Variants in NFX1 observed in about 807,000 individuals in gnomAD.
NFX1 encodes nuclear transcription factor, X-box binding 1, also known as transcriptional repressor NF-X1.
NFX1 carries 69 observed loss-of-function variants against 137.2 expected under a neutral mutation model. The observed-to-expected ratio is 0.50, with a 90% CI of 0.41 to 0.61. NFX1 has a LOEUF of 0.61. NFX1 is among the 20% of genes least tolerant of loss of function. The pLI is 0.00. For synonymous variants in NFX1, 495 were observed against 474.1 expected (o/e 1.04, Z -0.57); for missense variants, 1,167 against 1,391.0 (o/e 0.84, Z 2.56).
chr9:33,324,769 CA>C (rs138214743), intron 9 of NFX1, among the ~76,000 whole-genome samples: 6 of 146,200 alleles, frequency 4.1e-5, no homozygotes, highest in Non-Finnish European at 4.5e-5. Flanking sequence ...CTACTATATA[CA>C]AAAAAAAAAT....
At chr9:33,336,314 C>T (rs1362530632) in intron 11 of NFX1, among the ~76,000 whole-genome samples, 3 of 152,152 alleles carry the variant, frequency 2.0e-5, no homozygotes, top group Non-Finnish European at 4.4e-5. Flanking sequence ...CTCCCAGGTT[C>T]GAGTGATTCA....
At position 33,311,192 on chromosome 9, in the gene NFX1, A is replaced by G; in HGVS notation, c.1448+15A>G. The G allele has an allele frequency of 1.2e-6, 2 of 1,612,814 alleles. No homozygotes were observed. The highest frequency in any genetic ancestry group is 1.7e-6 in the Non-Finnish European group (2 of 1,178,788). ...GGACGAACCAGGTAAAGTTAAAATT[A>G]CACCCTAAAGAAGACCTCAGTTTTC... On this transcript the variant is annotated intron_variant, in intron 6 of 23. Coordinates refer to ENST00000379540, the MANE Select transcript of NFX1 (RefSeq NM_002504.6).
At chr9:33,363,860 AGTT>A (rs1176344392) in intron 19 of NFX1, 147 bp from the exon 20 acceptor site, 3 of 468,332 alleles carry the variant, frequency 6.4e-6, no homozygotes, top group African/African-American at 4.0e-5. Context: ...TCATGTCCCA[AGTT>A]GTTGTTATTC....
intron 12 of NFX1, 49 bp from the exon 13 acceptor site, chr9:33,342,697 A>C: frequency 8.0e-7 from 1 of 1,255,902 alleles, no homozygotes; most frequent in Non-Finnish European, 1.1e-6. Flanking sequence ...TTTATGGAAA[A>C]TATAAAATGA....
chr9:33,291,088 A>G (rs897729309), intron 1 of NFX1, among the ~76,000 whole-genome samples: 1 of 152,140 alleles, frequency 6.6e-6, no homozygotes, highest in African/African-American at 2.4e-5. Context: ...TTGGGAGTAG[A>G]TAAGTTAATT....
chr9:33,333,978 C>G (rs906183124), intron 11 of NFX1, among the ~76,000 whole-genome samples: 3 of 152,122 alleles, frequency 2.0e-5, no homozygotes, highest in Admixed American at 1.3e-4. Context: ...AACCCCATCT[C>G]TACTAAAAAT....
Position 33,303,261 on chromosome 9 carries a change from T to C in NFX1, c.1263T>C (p.Cys421=). The C allele has an allele frequency of 6.2e-7, 1 of 1,613,940 alleles. No homozygotes were observed. Among genetic ancestry groups the C allele is most frequent in the Non-Finnish European group, 8.5e-7 (1 of 1,179,822 alleles). The change falls in exon 4 of 24, where the codon TGT becomes TGC. Residue 421 remains cysteine, a synonymous_variant. Coordinates refer to ENST00000379540, the MANE Select transcript of NFX1 (RefSeq NM_002504.6). Reference sequence around the variant, plus strand: ...CACATGTTCCTAATACCTACACTTGTTTCTGTGGTAAGTTTGTTTATATAC... The same window carrying C: ...CACATGTTCCTAATACCTACACTTGCTTCTGTGGTAAGTTTGTTTATATAC... ...VSAHVPNTYT[C]FCGKVKNPEW...
At chr9:33,332,777 T>C (rs1255961528) in intron 11 of NFX1, 1 of 341,762 alleles carries the variant, frequency 2.9e-6, no homozygotes, top group Non-Finnish European at 5.4e-6. Flanking sequence ...GATATGTATA[T>C]GAAAAAATAT....
At chr9:33,344,247 G>A (rs1587861631) in intron 14 of NFX1, 59 bp downstream of exon 14, 1 of 1,607,456 alleles carries the variant, frequency 6.2e-7, no homozygotes, top group East Asian at 2.2e-5. Context: ...TTAGGATCCT[G>A]CTGTGTTACT....
intron 15 of NFX1, 121 bp from the exon 16 acceptor site, chr9:33,351,439 A>G (rs1823631824): frequency 1.1e-6 from 1 of 912,320 alleles, no homozygotes; most frequent in East Asian, 2.6e-5. Flanking sequence ...GTGAAACCCT[A>G]TATCCGAAAA....
At chr9:33,360,580 A>C (rs553132532) in intron 19 of NFX1, among the ~76,000 whole-genome samples, 1 of 152,322 alleles carries the variant, frequency 6.6e-6, no homozygotes, top group African/African-American at 2.4e-5. Flanking sequence ...AAAAAATGCA[A>C]ATTTAAAGAA....
intron 15 of NFX1, among the ~76,000 whole-genome samples, chr9:33,348,970 C>T (rs923481832): frequency 2.0e-5 from 3 of 152,156 alleles, no homozygotes; most frequent in Non-Finnish European, 2.9e-5. Flanking sequence ...TCTATAACAA[C>T]ATGCTATATT....
At chr9:33,335,227 C>CT (rs57459026) in intron 11 of NFX1, among the ~76,000 whole-genome samples, 6,584 of 130,408 alleles carry the variant, frequency 0.05, 531 homozygotes, top group African/African-American at 0.17. Context: ...CTTTCTTTTT[C>CT]TTTTTTTTTT....
At chr9:33,319,204 GAAGT>G in intron 9 of NFX1, 77 bp downstream of exon 9, 1 of 1,217,386 alleles carries the variant, frequency 8.2e-7, no homozygotes, top group Non-Finnish European at 1.2e-6. Flanking sequence ...AAGCAATGTA[GAAGT>G]AAGTGCTAGT....
In NFX1 at chr9:33,318,915, T is replaced by G; in HGVS notation, c.1694T>G (p.Leu565Trp). Residue 565 changes from leucine (L) to tryptophan (W), a missense_variant, in exon 9 of 24, where the codon TTG becomes TGG. Around this residue, in one of 3 missense-constraint regions of NFX1, gnomAD observed 488 missense variants for 691.5 expected, o/e 0.71. Transcript: ENST00000379540. ...FSCLKICGKD[L>W]KCGNHTCSQV... Reference sequence around the variant, plus strand: ...ATAGTGTGTTTTCTTAACAGGGACTTGAAATGCGGTAACCATACATGTTCG... The same window carrying G: ...ATAGTGTGTTTTCTTAACAGGGACTGGAAATGCGGTAACCATACATGTTCG... 6.2e-7 allele frequency: 1 copy of G among 1,614,238 alleles called. No individual in the cohort carries two copies. Among genetic ancestry groups the G allele is most frequent in the Non-Finnish European group, 8.5e-7 (1 of 1,180,034 alleles).
At position 33,344,087 on chromosome 9, in the gene NFX1, GC is replaced by G; in HGVS notation, c.2245del (p.His749IlefsTer6). On this transcript the variant is annotated frameshift_variant, in exon 14 of 24. Coordinates refer to ENST00000379540, the MANE Select transcript of NFX1 (RefSeq NM_002504.6). LOFTEE classifies it high-confidence loss of function. ...CCACCAGGTTTTGATGAATTAACCT[GC>G]CATTGTGGTGCATCAGTGATTTACC... Reference protein sequence around the residue: ...CWQASFDELTCHCGASVIYPP... With the variant: ...CWQASFDELTXHCGASVIYPP... The G allele has an allele frequency of 6.2e-7, 1 of 1,613,974 alleles. No individual in the cohort carries two copies. The highest frequency in any genetic ancestry group is 1.1e-5 in the South Asian group (1 of 91,080).
At chr9:33,351,383 C>T (rs1823629806) in intron 15 of NFX1, among the ~76,000 whole-genome samples, 177 bp from the exon 16 acceptor site, 1 of 151,878 alleles carries the variant, frequency 6.6e-6, no homozygotes, top group African/African-American at 2.4e-5. Flanking sequence ...TCACCTGAGC[C>T]CCAGGAAAGT....
chr9:33,302,400 T>G (rs1821603479), intron 3 of NFX1, among the ~76,000 whole-genome samples: 1 of 144,400 alleles, frequency 6.9e-6, no homozygotes, highest in Non-Finnish European at 1.5e-5. Context: ...CTTACTCTGT[T>G]ACCCAGGCTG....
At chr9:33,351,440 T>C (rs1823631916) in intron 15 of NFX1, 120 bp from the exon 16 acceptor site, 2 of 925,622 alleles carry the variant, frequency 2.2e-6, no homozygotes, top group Non-Finnish European at 3.3e-6. Flanking sequence ...TGAAACCCTA[T>C]ATCCGAAAAC....
Sources: gnomAD v4.1 joint callset for allele counts (sites outside exome capture counted in the v4.1 genomes callset) on GRCh38, gnomAD v4.1.1 for gene constraint, gnomAD v4.1.1 regional missense constraint, MANE v1.5 for transcripts, NCBI Gene and HGNC (gene_info 2026-07-23, HGNC 2026-07-21) for gene names.